Variants in SYT16 observed in about 807,000 individuals in gnomAD.
The protein encoded by SYT16 is synaptotagmin-16.
SYT16 carries 42 observed loss-of-function variants against 61.4 expected under a neutral mutation model. The ratio of observed to expected loss-of-function variants is 0.68; its 90% CI spans 0.53 to 0.89. SYT16 has a LOEUF of 0.89. Ranked by LOEUF, SYT16 falls within the 40% of genes least tolerant of loss-of-function variation. The probability of loss-of-function intolerance (pLI) is 0.00; values close to 1 mark genes in which losing one functional copy is unlikely to be tolerated. For missense variants in SYT16, 804 were observed against 807.3 expected, an observed-to-expected ratio of 1.00 and a Z score of 0.05; for synonymous variants, 314 against 302.3, an observed-to-expected ratio of 1.04 and a Z score of -0.40.
intron 2 of SYT16, among the ~76,000 whole-genome samples, chr14:61,989,136 A>G (rs966306578): frequency 2.0e-5 from 3 of 152,200 alleles, no homozygotes; most frequent in Non-Finnish European, 2.9e-5. Flanking sequence ...GCTTGATATA[A>G]TGATAGTACC....
At chr14:61,948,179 A>G (rs2050524228) in intron 1 of SYT16, among the ~76,000 whole-genome samples, 1 of 152,108 alleles carries the variant, frequency 6.6e-6, no homozygotes, top group African/African-American at 2.4e-5. Flanking sequence ...TAATTCTATT[A>G]GGGGTTAGTA....
At chr14:61,862,498 C>A (rs986416394) in intron 1 of SYT16, among the ~76,000 whole-genome samples, 1 of 152,136 alleles carries the variant, frequency 6.6e-6, no homozygotes, top group Non-Finnish European at 1.5e-5. Flanking sequence ...TAGGTTCACA[C>A]TAAAATTGAA....
chr14:61,984,120 G>GT (rs1328996220), intron 2 of SYT16, among the ~76,000 whole-genome samples: 1 of 152,134 alleles, frequency 6.6e-6, no homozygotes, highest in Non-Finnish European at 1.5e-5. Context: ...TAACAGAAAG[G>GT]TTTTTTAAAG....
intron 2 of SYT16, among the ~76,000 whole-genome samples, chr14:61,973,021 T>A (rs889994980): frequency 1.7e-4 from 26 of 152,274 alleles, no homozygotes; most frequent in Admixed American, 1.2e-3. Flanking sequence ...TTAAACCATA[T>A]AAGATTGCCA....
intron 3 of SYT16, among the ~76,000 whole-genome samples, chr14:62,055,826 G>T (rs2055529436): frequency 6.6e-6 from 1 of 152,166 alleles, no homozygotes; most frequent in Non-Finnish European, 1.5e-5. Flanking sequence ...ACAAGGTAAA[G>T]TTCTGCAATA....
chr14:62,064,437 G>T (rs2055971306), intron 3 of SYT16, among the ~76,000 whole-genome samples: 2 of 151,152 alleles, frequency 1.3e-5, no homozygotes, highest in South Asian at 2.1e-4. Context: ...ATTGGTGCTT[G>T]TTTGGTGCGA....
At chr14:61,845,877 T>G (rs1356201495) in intron 1 of SYT16, among the ~76,000 whole-genome samples, 1 of 152,324 alleles carries the variant, frequency 6.6e-6, no homozygotes, top group African/African-American at 2.4e-5. Flanking sequence ...CTTATGTGTT[T>G]CCATTATCAT....
At chr14:61,815,809 T>C (rs1350589562) in intron 1 of SYT16, among the ~76,000 whole-genome samples, 2 of 152,242 alleles carry the variant, frequency 1.3e-5, no homozygotes, top group Non-Finnish European at 2.9e-5. Flanking sequence ...TTCCAGATAA[T>C]ATTTTGTTTC....
intron 3 of SYT16, among the ~76,000 whole-genome samples, chr14:62,042,789 T>A (rs947880340): frequency 6.6e-6 from 1 of 152,164 alleles, no homozygotes; most frequent in African/African-American, 2.4e-5. Flanking sequence ...TCTTACTCCA[T>A]CTTCTCAAAT....
chr14:61,965,270 C>G (rs2051269762), intron 1 of SYT16, among the ~76,000 whole-genome samples: 1 of 152,134 alleles, frequency 6.6e-6, no homozygotes, highest in Non-Finnish European at 1.5e-5. Context: ...CTATGACACT[C>G]TACTTATTTA....
At chr14:61,845,474 T>C (rs2046418425) in intron 1 of SYT16, among the ~76,000 whole-genome samples, 2 of 152,366 alleles carry the variant, frequency 1.3e-5, no homozygotes, top group South Asian at 4.1e-4. Context: ...TGTTTCAATT[T>C]ATTGGCATAT....
At chr14:61,826,535 T>C (rs1322302895) in intron 1 of SYT16, among the ~76,000 whole-genome samples, 1 of 152,048 alleles carries the variant, frequency 6.6e-6, no homozygotes, top group Non-Finnish European at 1.5e-5. Context: ...GTCATTATTT[T>C]GCGAATCCAG....
chr14:61,903,657 A>G (rs1427358627), intron 1 of SYT16, among the ~76,000 whole-genome samples: 5 of 152,206 alleles, frequency 3.3e-5, no homozygotes, highest in African/African-American at 1.2e-4. Flanking sequence ...TATTCACTAA[A>G]TATTCATTTT....
intron 1 of SYT16, among the ~76,000 whole-genome samples, chr14:61,862,368 T>C (rs1566634334): frequency 6.6e-6 from 1 of 152,246 alleles, no homozygotes; most frequent in East Asian, 1.9e-4. Context: ...GATCATATCA[T>C]ATGTCATCCT....
intron 7 of SYT16, among the ~76,000 whole-genome samples, chr14:62,088,605 C>T (rs1330859903): frequency 2.0e-5 from 3 of 152,106 alleles, no homozygotes; most frequent in African/African-American, 7.2e-5. Flanking sequence ...GTACATTTCA[C>T]TTTAGGTAAA....
chr14:62,075,403 G>C lies in SYT16; in HGVS notation c.993+12G>C, dbSNP rs1415648914. 6.4e-7 allele frequency: 1 copy of C among 1,570,388 alleles called. No homozygotes were observed. The highest frequency in any genetic ancestry group is 8.7e-7 in the Non-Finnish European group (1 of 1,150,390). On this transcript the variant is annotated intron_variant, in intron 5 of 7. Transcript: ENST00000683842. Reference sequence around the variant, plus strand: ...TGTGGAGTCCAGAGGCAAGTTATTTGTTTTTCATTCTTTCATTGGTTCCCT... The same window carrying C: ...TGTGGAGTCCAGAGGCAAGTTATTTCTTTTTCATTCTTTCATTGGTTCCCT...
intron 3 of SYT16, among the ~76,000 whole-genome samples, chr14:62,017,960 C>G (rs939264942): frequency 3.9e-5 from 6 of 152,176 alleles, no homozygotes; most frequent in South Asian, 2.1e-4. Flanking sequence ...AAGCAATCCT[C>G]TGGCTTCACC....
chr14:61,826,040 A>G (rs55845917), intron 1 of SYT16, among the ~76,000 whole-genome samples: 7,667 of 152,266 alleles, frequency 0.05, 269 homozygotes, highest in Non-Finnish European at 0.073. Context: ...TGATTATCAT[A>G]TACTTTATGA....
chr14:62,080,767 C>T (rs914393176), intron 5 of SYT16, 67 bp from the exon 6 acceptor site: 4 of 1,501,148 alleles, frequency 2.7e-6, no homozygotes, highest in Admixed American at 2.0e-5. Context: ...CAAAGGGGCA[C>T]CAACTGGCCA....
Sources: gnomAD v4.1 joint callset for allele counts (sites outside exome capture counted in the v4.1 genomes callset) on GRCh38, gnomAD v4.1.1 for gene constraint, MANE v1.5 for transcripts, NCBI Gene and HGNC (gene_info 2026-07-23, HGNC 2026-07-21) for gene names.